The following PKD2L2 variants were observed in gnomAD, a reference collection of about 807,000 sequenced individuals.
PKD2L2 encodes polycystin-2-like protein 2.
In PKD2L2, 67 loss-of-function variants were observed where a neutral mutation model predicts 83.9. The observed-to-expected ratio is 0.80, with a 90% CI of 0.66 to 0.98. The LOEUF is 0.98. PKD2L2 is among the 50% of genes least tolerant of loss of function. PKD2L2 has a pLI of 0.00. For missense variants in PKD2L2, 632 were observed against 717.2 expected (o/e 0.88, Z 1.36); for synonymous variants, 223 against 237.8 (o/e 0.94, Z 0.57).
In PKD2L2 at chr5:137,890,555, TTTA is replaced by T; in HGVS notation, c.109_111del (p.Ile37del). On this transcript the variant is annotated inframe_deletion, in exon 2 of 15. Coordinates refer to ENST00000508883, the MANE Select transcript of PKD2L2 (RefSeq NM_001300921.2). ...CACACTTCAGGAATTGTTACTCTAC[TTTA>T]TTTTTTTAATAAACCTATGTATATG... The T allele has an allele frequency of 6.7e-7, 1 of 1,499,570 alleles. No homozygotes were observed. The highest frequency in any genetic ancestry group is 9.2e-7 in the Non-Finnish European group (1 of 1,088,694). The allele number at this position is 1,499,570 out of a possible 1,614,324, so 92.9% of individuals were successfully genotyped here. A position where few individuals can be genotyped will look rare whatever the true frequency, so the allele number is the denominator to read the frequency against.
intron 2 of PKD2L2, among the ~76,000 whole-genome samples, chr5:137,892,263 G>A (rs1020764686): frequency 5.3e-5 from 8 of 152,154 alleles, no homozygotes; most frequent in African/African-American, 1.7e-4. Flanking sequence ...TTATAAATGT[G>A]TATGCATAAA....
intron 8 of PKD2L2, among the ~76,000 whole-genome samples, chr5:137,920,986 T>G (rs991300253): frequency 6.6e-6 from 1 of 152,210 alleles, no homozygotes; most frequent in Non-Finnish European, 1.5e-5. Flanking sequence ...TTCAAAGTTC[T>G]AATGTTTAGA....
chr5:137,910,686 A>G (rs914898562), intron 8 of PKD2L2, among the ~76,000 whole-genome samples: 2 of 151,882 alleles, frequency 1.3e-5, no homozygotes, highest in Admixed American at 6.6e-5. Context: ...AGGCTGAGGC[A>G]GGAGAATCCT....
intron 5 of PKD2L2, among the ~76,000 whole-genome samples, chr5:137,900,382 AT>A (rs1331384130): frequency 6.6e-6 from 1 of 152,236 alleles, no homozygotes; most frequent in Non-Finnish European, 1.5e-5. Context: ...TGAACCTTTA[AT>A]AACACCATGG....
At position 137,894,495 on chromosome 5, in the gene PKD2L2, G is replaced by A. The variant is rs750668272; in HGVS notation, c.410G>A (p.Arg137His). Residue 137 changes from arginine (R) to histidine (H), a missense_variant, in exon 4 of 15, where the codon CGC becomes CAC. Around this residue, in one of 3 missense-constraint regions of PKD2L2, gnomAD observed 229 missense variants for 281.5 expected, o/e 0.81. Transcript: ENST00000508883. ...GVPRVRQLKV[R>H]NNTCKVYSSF... is the part of the protein sequence containing the mutation. ...CCCAGAGTTCGTCAACTAAAAGTCC[G>A]CAACAACACATGCAAAGTCTATTCA... 22 of 1,613,776 alleles carry A rather than the reference G, an allele frequency of 1.4e-5. No individual in the cohort carries two copies. Among genetic ancestry groups the A allele is most frequent in the South Asian group, 2.2e-5 (2 of 91,074 alleles).
At chr5:137,920,793 C>A (rs1405067852) in intron 8 of PKD2L2, among the ~76,000 whole-genome samples, 1 of 150,794 alleles carries the variant, frequency 6.6e-6, no homozygotes, top group African/African-American at 2.4e-5. Context: ...GTAAAATAAA[C>A]CTTAGGATCA....
At chr5:137,940,190 C>T in intron 14 of PKD2L2, 1 of 1,613,782 alleles carries the variant, frequency 6.2e-7, no homozygotes, top group East Asian at 2.2e-5. Flanking sequence ...AGGAATACAA[C>T]TGACTTTATG....
chr5:137,912,801 C>CTTTTTTTTTTTTTTTTTTTTTTTTT (rs71583287), intron 8 of PKD2L2, among the ~76,000 whole-genome samples: 1 of 99,858 alleles, frequency 1.0e-5, no homozygotes, highest in Non-Finnish European at 2.0e-5. Flanking sequence ...TGTTTTCTTT[C>CTTTTTTTTTTTTTTTTTTTTTTTTT]TTTCTTTTTT....
At position 137,926,454 on chromosome 5, in the gene PKD2L2, G is replaced by A. The variant is rs533145843; in HGVS notation, c.1671+525G>A. ...AAGAAGGCAGCAGAATCAGGAGACT[G>A]TAATAAGCAAGCAAATAAATATTGA... On this transcript the variant is annotated intron_variant, in intron 12 of 14. Transcript: ENST00000508883. Among the ~76,000 whole-genome samples the A allele has an allele frequency of 3.9e-5, 6 of 152,158 alleles. No homozygotes were observed. The South Asian group carries it at 1.0e-3, about 26-fold the overall frequency.
At chr5:137,936,293 T>C (rs978005268) in intron 13 of PKD2L2, 27 bp from the exon 14 acceptor site, 13 of 1,517,932 alleles carry the variant, frequency 8.6e-6, no homozygotes, top group Non-Finnish European at 1.1e-5. Context: ...TACTGACTCA[T>C]TCTCTACTTC....
chr5:137,925,674 C>T (rs938674294), intron 11 of PKD2L2, among the ~76,000 whole-genome samples: 1 of 152,192 alleles, frequency 6.6e-6, no homozygotes, highest in African/African-American at 2.4e-5. Context: ...AGAACTCTGG[C>T]AGTGGAACAT....
chr5:137,940,564 T>C (rs1761385167), intron 14 of PKD2L2: 2 of 472,160 alleles, frequency 4.2e-6, no homozygotes, highest in African/African-American at 2.0e-5. Context: ...GATTAAATGA[T>C]GCTATACTTA....
chr5:137,933,042 AAAC>A (rs1209638532), intron 12 of PKD2L2, among the ~76,000 whole-genome samples: 10 of 126,110 alleles, frequency 7.9e-5, no homozygotes, highest in African/African-American at 3.3e-5. Flanking sequence ...ACAAAAAACA[AAAC>A]AAACCAAAAA....
At chr5:137,894,310 CA>C in intron 3 of PKD2L2, 42 bp from the exon 4 acceptor site, 1 of 1,522,004 alleles carries the variant, frequency 6.6e-7, no homozygotes, top group Non-Finnish European at 8.8e-7. Flanking sequence ...ATTCTGTTGA[CA>C]TGAAAATATT....
intron 14 of PKD2L2, chr5:137,940,577 A>AGTAG: frequency 4.7e-6 from 2 of 421,772 alleles, no homozygotes; most frequent in Admixed American, 8.2e-5. Context: ...TATACTTATA[A>AGTAG]ATAATCAACA....
intron 5 of PKD2L2, among the ~76,000 whole-genome samples, chr5:137,904,795 A>AT (rs1757235261): frequency 2.0e-5 from 3 of 152,140 alleles, no homozygotes; most frequent in Non-Finnish European, 2.9e-5. Flanking sequence ...TCAGTGAGCC[A>AT]TTTTTCTCTC....
intron 10 of PKD2L2, 97 bp downstream of exon 10, chr5:137,923,618 C>G: frequency 1.4e-6 from 1 of 719,662 alleles, no homozygotes; most frequent in Non-Finnish European, 2.6e-6. Context: ...AGTGGTCGTG[C>G]TCTCCCCACT....
intron 8 of PKD2L2, among the ~76,000 whole-genome samples, chr5:137,920,095 G>C (rs1758753144): frequency 6.6e-6 from 1 of 152,106 alleles, no homozygotes; most frequent in South Asian, 2.1e-4. Flanking sequence ...CTACTCAAGA[G>C]AGGCTGATGA....
In PKD2L2 at chr5:137,929,569, C is replaced by T. The variant is rs145247506; in HGVS notation, c.1671+3640C>T. 1.0e-4 allele frequency among the ~76,000 whole-genome samples: 5 copies of T among 48,056 alleles called. 1 individual carries two copies. In the South Asian group the frequency reaches 2.2e-3, roughly 21 times the overall value. The allele number at this position is 48,056 out of a possible 152,430, so 31.5% of individuals were successfully genotyped here. A position where few individuals can be genotyped will look rare whatever the true frequency, so the allele number is the denominator to read the frequency against. On this transcript the variant is annotated intron_variant, in intron 12 of 14. Transcript: ENST00000508883. ...AAAAAAAAAAAAAAAACAGACCACA[C>T]GGTAAAAGACTTAAAATATAAATAT...
Sources: allele counts gnomAD v4.1 joint callset (sites outside exome capture counted in the v4.1 genomes callset), GRCh38; gene constraint gnomAD v4.1.1; regional missense constraint gnomAD v4.1.1; transcripts MANE v1.5; gene names NCBI Gene and HGNC (gene_info 2026-07-23, HGNC 2026-07-21).